TFCP2: variants seen among roughly 807,000 people sequenced by gnomAD.
TFCP2 encodes transcription factor CP2.
Under a neutral mutation model 73.4 loss-of-function variants are expected in TFCP2, and 33 were observed. The observed-to-expected ratio is 0.45, with a 90% confidence interval of 0.34 to 0.60. TFCP2 has a LOEUF of 0.60. Among genes scored for constraint, TFCP2 ranks in the 20% least tolerant of loss-of-function variants. The pLI is 0.01. For missense variants in TFCP2, 352 were observed against 604.0 expected (o/e 0.58, Z 4.37); for synonymous variants, 193 against 211.6 (o/e 0.91, Z 0.76).
chr12:51,115,265 G>A (rs1014329433), intron 4 of TFCP2, among the ~76,000 whole-genome samples: 1 of 151,586 alleles, frequency 6.6e-6, no homozygotes, highest in Non-Finnish European at 1.5e-5. Flanking sequence ...GACTACAGGC[G>A]CCCGCCACCA....
Position 51,121,522 on chromosome 12 carries a change from G to A in TFCP2, c.123-2750C>T, listed in dbSNP as rs183869983. 4.3e-3 allele frequency among the ~76,000 whole-genome samples: 634 copies of A among 146,692 alleles called. 2 individuals carry two copies. The highest frequency in any genetic ancestry group is 0.036 in the East Asian group (171 of 4,780). On this transcript the variant is annotated intron_variant, in intron 1 of 14. Coordinates refer to ENST00000257915, the MANE Select transcript of TFCP2 (RefSeq NM_005653.5). ...ACTCTGTCTCCCAGGCTTGAGTGCA[G>A]TGGCACGATCTCGGCTCACTGCAAC...
intron 1 of TFCP2, among the ~76,000 whole-genome samples, chr12:51,149,525 T>TA (rs1471089116): frequency 6.6e-6 from 1 of 152,140 alleles, no homozygotes; most frequent in Non-Finnish European, 1.5e-5. Flanking sequence ...TTTATGAACT[T>TA]ACAGTAAAAA....
intron 13 of TFCP2, among the ~76,000 whole-genome samples, chr12:51,098,503 G>A (rs1388779278): frequency 3.3e-5 from 5 of 152,002 alleles, no homozygotes; most frequent in African/African-American, 9.7e-5. Context: ...GCGCACGCCT[G>A]TAATTCCCAC....
chr12:51,095,415 T>A, intron 14 of TFCP2, 137 bp from the exon 15 acceptor site: 1 of 856,972 alleles, frequency 1.2e-6, no homozygotes, highest in Non-Finnish European at 1.9e-6. Context: ...ATCACGCCAC[T>A]GGACTCCAGC....
intron 13 of TFCP2, among the ~76,000 whole-genome samples, chr12:51,096,645 C>T (rs1216322603): frequency 1.3e-5 from 2 of 152,154 alleles, no homozygotes; most frequent in Admixed American, 6.5e-5. Context: ...CACAAATTGT[C>T]GTAAGACAGA....
chr12:51,135,852 A>G (rs1303064077), intron 1 of TFCP2, among the ~76,000 whole-genome samples: 1 of 152,074 alleles, frequency 6.6e-6, no homozygotes, highest in African/African-American at 2.4e-5. Context: ...GTCTACACAT[A>G]CTCATCACCA....
intron 1 of TFCP2, among the ~76,000 whole-genome samples, chr12:51,127,581 T>C (rs1268655450): frequency 6.6e-6 from 1 of 152,242 alleles, no homozygotes; most frequent in Non-Finnish European, 1.5e-5. Flanking sequence ...CACTCTTTGA[T>C]GTAAAAGGCG....
intron 4 of TFCP2, among the ~76,000 whole-genome samples, chr12:51,112,840 C>T (rs1940435590): frequency 1.4e-5 from 2 of 145,338 alleles, no homozygotes; most frequent in Non-Finnish European, 3.0e-5. Context: ...GTACTCCAGC[C>T]TGGATGACAG....
chr12:51,157,703 T>TTG (rs1427811705), intron 1 of TFCP2, among the ~76,000 whole-genome samples: 1 of 143,988 alleles, frequency 6.9e-6, no homozygotes, highest in African/African-American at 2.6e-5. Flanking sequence ...TTTTTTTTTT[T>TTG]TGAGACAGAG....
chr12:51,124,848 G>A (rs746449443), intron 1 of TFCP2: 36 of 1,284,352 alleles, frequency 2.8e-5, no homozygotes, highest in Non-Finnish European at 3.8e-5. Flanking sequence ...TTCCTGCTGA[G>A]CCACCTGTTT....
intron 8 of TFCP2, 110 bp downstream of exon 8, chr12:51,106,415 A>C (rs1208526728): frequency 1.3e-6 from 1 of 769,380 alleles, no homozygotes; most frequent in East Asian, 2.9e-5. Flanking sequence ...CCATCAAAGA[A>C]CGACCAAATA....
At chr12:51,113,824 C>G (rs548323721) in intron 4 of TFCP2, among the ~76,000 whole-genome samples, 1 of 152,140 alleles carries the variant, frequency 6.6e-6, no homozygotes, top group Admixed American at 6.5e-5. Flanking sequence ...TTTCAACAAA[C>G]GGTGTGGAGA....
chr12:51,109,114 G>A lies in TFCP2; in HGVS notation c.717+7C>T, dbSNP rs749587048. The A allele has an allele frequency of 9.3e-6, 15 of 1,613,902 alleles. No homozygotes were observed. In the Admixed American group the frequency reaches 1.3e-4, roughly 14 times the overall value. ...AATCCAAGGGCCAGCACATTGCCCA[G>A]GAATACCTTGAAAACTTTGATCTGG... On this transcript the variant is annotated splice_region_variant and intron_variant, in intron 6 of 14. Transcript: ENST00000257915.
intron 5 of TFCP2, among the ~76,000 whole-genome samples, chr12:51,110,584 T>G (rs1272060514): frequency 6.6e-6 from 1 of 152,142 alleles, no homozygotes; most frequent in South Asian, 2.1e-4. Flanking sequence ...AAAAAAATTA[T>G]GCCAATCTAA....
Position 51,105,383 on chromosome 12 carries a change from C to T in TFCP2, c.917+1142G>A, listed in dbSNP as rs546447760. On this transcript the variant is annotated intron_variant, in intron 8 of 14. Coordinates refer to ENST00000257915, the MANE Select transcript of TFCP2 (RefSeq NM_005653.5). Reference sequence around the variant, plus strand: ...CTGGGATTGCAGGTGTGAGCCACCGCGCCCAGCCTGTTTTTCTTTATACGT... The same window carrying T: ...CTGGGATTGCAGGTGTGAGCCACCGTGCCCAGCCTGTTTTTCTTTATACGT... Among the ~76,000 whole-genome samples the T allele has an allele frequency of 9.2e-5, 14 of 152,312 alleles. No individual in the cohort carries two copies. The South Asian group carries it at 1.9e-3, about 20-fold the overall frequency.
intron 8 of TFCP2, among the ~76,000 whole-genome samples, chr12:51,104,714 T>A (rs1940186904): frequency 2.2e-5 from 1 of 45,624 alleles, no homozygotes; most frequent in African/African-American, 5.5e-5. Context: ...TAAAAAACAA[T>A]TTTTTTTTTT....
intron 1 of TFCP2, among the ~76,000 whole-genome samples, chr12:51,150,997 G>A (rs1312938011): frequency 6.6e-6 from 1 of 152,098 alleles, no homozygotes; most frequent in African/African-American, 2.4e-5. Context: ...AGAAAGCAAG[G>A]AGTGCTGGTG....
At chr12:51,163,371 C>T (rs1941689995) in intron 1 of TFCP2, among the ~76,000 whole-genome samples, 3 of 152,138 alleles carry the variant, frequency 2.0e-5, no homozygotes, top group Admixed American at 6.5e-5. Context: ...GGACAGATCA[C>T]CTGAAGTTGG....
chr12:51,122,075 T>A (rs1346662675), intron 1 of TFCP2, among the ~76,000 whole-genome samples: 1 of 152,024 alleles, frequency 6.6e-6, no homozygotes, highest in African/African-American at 2.4e-5. Context: ...ATGTTCTGAT[T>A]ATTGACTTCA....
Sources: allele counts gnomAD v4.1 joint callset (sites outside exome capture counted in the v4.1 genomes callset), GRCh38; gene constraint gnomAD v4.1.1; transcripts MANE v1.5; gene names NCBI Gene and HGNC (gene_info 2026-07-23, HGNC 2026-07-21).